Variants in SPON1 observed in about 807,000 individuals in gnomAD.
SPON1 encodes spondin-1.
Under a neutral mutation model 111.7 loss-of-function variants are expected in SPON1, and 52 were observed. The ratio of observed to expected loss-of-function variants is 0.47; its 90% CI spans 0.37 to 0.59. The LOEUF (loss-of-function observed/expected upper bound fraction) is 0.59. Ranked by LOEUF, SPON1 falls within the 20% of genes least tolerant of loss-of-function variation. The probability of loss-of-function intolerance (pLI) is 0.00; values close to 1 mark genes in which losing one functional copy is unlikely to be tolerated. For synonymous variants in SPON1, 410 were observed against 395.8 expected, an observed-to-expected ratio of 1.04 and a Z score of -0.43; for missense variants, 957 against 1,068.5, an observed-to-expected ratio of 0.90 and a Z score of 1.46.
chr11:14,225,003 A>C (rs550401257), intron 6 of SPON1, among the ~76,000 whole-genome samples: 4 of 152,242 alleles, frequency 2.6e-5, no homozygotes, highest in African/African-American at 7.2e-5. Flanking sequence ...GCACGGATGG[A>C]GTGACGGAAG....
chr11:14,202,981 C>T (rs1848479515), intron 6 of SPON1, among the ~76,000 whole-genome samples: 2 of 152,110 alleles, frequency 1.3e-5, no homozygotes, highest in South Asian at 2.1e-4. Flanking sequence ...CTACCATTCA[C>T]CACGCCAAAA....
intron 14 of SPON1, among the ~76,000 whole-genome samples, chr11:14,261,741 T>TCTGA (rs1448960897): frequency 6.6e-6 from 1 of 152,130 alleles, no homozygotes; most frequent in African/African-American, 2.4e-5. Flanking sequence ...CCCATAGCCT[T>TCTGA]CTGACTTAGA....
intron 1 of SPON1, among the ~76,000 whole-genome samples, chr11:13,969,520 A>C (rs1554908384): frequency 1.6e-4 from 24 of 152,332 alleles, no homozygotes. Context: ...AGGGTAAGGT[A>C]AATCAAGAAA....
intron 5 of SPON1, among the ~76,000 whole-genome samples, chr11:14,131,463 C>A (rs1554927504): frequency 6.6e-6 from 1 of 152,182 alleles, no homozygotes; most frequent in Non-Finnish European, 1.5e-5. Context: ...CTGCGCCCGG[C>A]AAACTATCCC....
intron 2 of SPON1, among the ~76,000 whole-genome samples, chr11:14,034,297 T>C (rs1554916380): frequency 6.6e-6 from 1 of 151,738 alleles, no homozygotes; most frequent in African/African-American, 2.4e-5. Flanking sequence ...TTTAATTTTC[T>C]GTCTTAGGTA....
In SPON1 at chr11:14,262,869, A is replaced by G; in HGVS notation, c.2154A>G (p.Arg718=). ...TGCAGCGAAAAAAGTGCCGCATCCG[A>G]AAATGCCTTCGAAATCCATCCATCC... ...ETVQRKKCRI[R]KCLRNPSIQK... The change falls in exon 15 of 16, where the codon CGA becomes CGG. Residue 718 remains arginine, a synonymous_variant. Transcript: ENST00000576479. The G allele has an allele frequency of 6.2e-7, 1 of 1,613,906 alleles. No homozygotes were observed.
chr11:14,127,212 T>G (rs1847469946), intron 5 of SPON1, among the ~76,000 whole-genome samples: 1 of 150,430 alleles, frequency 6.6e-6, no homozygotes, highest in Admixed American at 6.7e-5. Flanking sequence ...ATTTTACAGA[T>G]GAAGAAACTG....
chr11:14,063,223 C>G (rs1161991145), intron 3 of SPON1, among the ~76,000 whole-genome samples: 1 of 152,078 alleles, frequency 6.6e-6, no homozygotes, highest in Non-Finnish European at 1.5e-5. Flanking sequence ...TTTGCAGTAC[C>G]TTGTTTCACA....
At chr11:14,254,925 C>A (rs1554941043) in intron 8 of SPON1, among the ~76,000 whole-genome samples, 196 bp downstream of exon 8, 1 of 152,080 alleles carries the variant, frequency 6.6e-6, no homozygotes, top group East Asian at 1.9e-4. Flanking sequence ...CAGGAGAGCA[C>A]GGAGAGGGAA....
intron 3 of SPON1, 93 bp downstream of exon 3, chr11:14,041,747 A>G (rs1591359399): frequency 6.9e-7 from 1 of 1,447,536 alleles, no homozygotes; most frequent in Admixed American, 2.2e-5. Context: ...TGAGCATCAG[A>G]AAGTTGCATC....
At chr11:14,227,130 T>C (rs1453945702) in intron 6 of SPON1, among the ~76,000 whole-genome samples, 2 of 152,172 alleles carry the variant, frequency 1.3e-5, no homozygotes, top group African/African-American at 4.8e-5. Context: ...GGGGGGCCGT[T>C]ACTCAGCTTA....
intron 6 of SPON1, among the ~76,000 whole-genome samples, chr11:14,161,060 T>G (rs1475404572): frequency 3.8e-4 from 29 of 76,146 alleles, no homozygotes; most frequent in Non-Finnish European, 5.7e-4. Context: ...TATATATTTA[T>G]ATATATCTAT....
intron 5 of SPON1, among the ~76,000 whole-genome samples, chr11:14,134,594 A>G (rs1270011665): frequency 6.6e-6 from 1 of 152,200 alleles, no homozygotes; most frequent in Admixed American, 6.5e-5. Flanking sequence ...TTGTACTGAA[A>G]TGTACATAGA....
At chr11:14,258,523 T>C (rs1443558364) in intron 11 of SPON1, among the ~76,000 whole-genome samples, 3 of 152,206 alleles carry the variant, frequency 2.0e-5, no homozygotes, top group Non-Finnish European at 4.4e-5. Flanking sequence ...GCCTGATAGA[T>C]CTACGCTATT....
intron 6 of SPON1, among the ~76,000 whole-genome samples, chr11:14,208,205 A>G (rs1180678826): frequency 6.6e-6 from 1 of 152,114 alleles, no homozygotes; most frequent in East Asian, 1.9e-4. Flanking sequence ...GCCTATTGGA[A>G]GGTGAAAGGT....
chr11:14,036,457 G>T (rs10766133), intron 2 of SPON1, among the ~76,000 whole-genome samples: 45,206 of 151,992 alleles, frequency 0.3, 7,913 homozygotes, highest in South Asian at 0.51. Flanking sequence ...CAGGGTTTCC[G>T]ACTTGCACAA....
intron 6 of SPON1, among the ~76,000 whole-genome samples, chr11:14,221,559 GCCA>G (rs1389356327): frequency 1.3e-5 from 2 of 149,286 alleles, no homozygotes; most frequent in African/African-American, 2.5e-5. Flanking sequence ...CAAGACAGCT[GCCA>G]CGGCGAAAGC....
At chr11:14,134,308 A>T (rs1405760361) in intron 5 of SPON1, among the ~76,000 whole-genome samples, 1 of 152,188 alleles carries the variant, frequency 6.6e-6, no homozygotes, top group Non-Finnish European at 1.5e-5. Context: ...ATGCATCTGT[A>T]TTCATCACAT....
chr11:14,205,478 C>T (rs1054971443), intron 6 of SPON1, among the ~76,000 whole-genome samples: 7 of 152,222 alleles, frequency 4.6e-5, no homozygotes, highest in African/African-American at 1.7e-4. Flanking sequence ...AAGAAATAGG[C>T]CCACATTCTC....
Sources: gnomAD v4.1 joint callset for allele counts (sites outside exome capture counted in the v4.1 genomes callset) on GRCh38, gnomAD v4.1.1 for gene constraint, MANE v1.5 for transcripts, NCBI Gene and HGNC (gene_info 2026-07-23, HGNC 2026-07-21) for gene names.